NAALADL2: variants seen among roughly 807,000 people sequenced by gnomAD.
The protein encoded by NAALADL2 is N-acetylated alpha-linked acidic dipeptidase like 2.
NAALADL2 carries 76 observed loss-of-function variants against 87.2 expected under a neutral mutation model. That is an observed-to-expected ratio of 0.87 (90% confidence interval 0.72 to 1.05). NAALADL2 has a LOEUF of 1.05. NAALADL2 is among the 50% of genes least tolerant of loss of function. The pLI is 0.00. For synonymous variants in NAALADL2, 354 were observed against 331.0 expected, an observed-to-expected ratio of 1.07 and a Z score of -0.75; for missense variants, 1,089 against 945.8, an observed-to-expected ratio of 1.15 and a Z score of -1.99.
At chr3:175,252,470 A>G (rs1749230520) in intron 3 of NAALADL2, among the ~76,000 whole-genome samples, 1 of 152,072 alleles carries the variant, frequency 6.6e-6, no homozygotes, top group Non-Finnish European at 1.5e-5. Flanking sequence ...CCCACCAGCC[A>G]TTTGCCATCT....
intron 1 of NAALADL2, among the ~76,000 whole-genome samples, chr3:174,500,137 C>G (rs1718794405): frequency 6.6e-6 from 1 of 151,704 alleles, no homozygotes. Context: ...GTCTTCTACA[C>G]CTTTTGTCAA....
rs756476595 is a variant in NAALADL2, at chr3:175,234,005, T to C, written c.620T>C (p.Leu207Ser). The C allele has an allele frequency of 1.9e-6, 3 of 1,613,368 alleles. No individual in the cohort carries two copies. The South Asian group carries it at 3.3e-5, about 18-fold the overall frequency. Residue 207 changes from leucine to serine, a missense_variant, in exon 3 of 14, where the codon TTG (leucine) becomes TCG (serine). Transcript: ENST00000454872. Reference protein sequence around the residue: ...SKKIKTQWTSLGLEDVQFVNY... With the variant: ...SKKIKTQWTSSGLEDVQFVNY... ...AAGATTAAGACTCAGTGGACCTCTT[T>C]GGGCCTAGAAGATGTACAGTTTGTA...
At chr3:175,483,594 A>G (rs1726832253) in intron 9 of NAALADL2, among the ~76,000 whole-genome samples, 1 of 151,904 alleles carries the variant, frequency 6.6e-6, no homozygotes, top group Non-Finnish European at 1.5e-5. Context: ...TTTCATAGTC[A>G]TCTCAAGGGA....
chr3:175,603,849 C>A (rs974521230), intron 10 of NAALADL2, among the ~76,000 whole-genome samples: 1 of 152,022 alleles, frequency 6.6e-6, no homozygotes, highest in Non-Finnish European at 1.5e-5. Context: ...CAAAAATTAG[C>A]CAGGCTTTGT....
rs565408861 is a variant in NAALADL2 at position 174,555,182 on chromosome 3, T to A, written c.-115+4545T>A. 1.6e-4 allele frequency among the ~76,000 whole-genome samples: 24 copies of A among 152,256 alleles called. No individual in the cohort carries two copies. The South Asian group carries it at 1.9e-3, about 12-fold the overall frequency. ...GTATCTTTTCCTTACTCATTGCAAG[T>A]TTCATGGCTGATACCTCTATAAGGA... On this transcript the variant is annotated intron_variant, in intron 2 of 3. Transcript: ENST00000434257.
At chr3:175,366,254 A>G (rs1003552011) in intron 5 of NAALADL2, among the ~76,000 whole-genome samples, 6 of 150,198 alleles carry the variant, frequency 4.0e-5, no homozygotes, top group Non-Finnish European at 7.4e-5. Flanking sequence ...AATCCAGTCT[A>G]TCATTGTTGG....
chr3:174,782,432 A>G (rs1358349968), intron 3 of NAALADL2, among the ~76,000 whole-genome samples: 1 of 151,610 alleles, frequency 6.6e-6, no homozygotes, highest in Non-Finnish European at 1.5e-5. Context: ...TATTATTCCA[A>G]TATTTGCCTT....
rs73881564 is a variant in NAALADL2 at position 174,950,311 on chromosome 3, T to G, written c.43+90861T>G. ...CATCTCTGAAGAGTTCCCAAAAGTT[T>G]TATAATACCTGGTATATCTTGAGAA... is the stretch of plus-strand genomic sequence containing the variant. On this transcript the variant is annotated intron_variant, in intron 1 of 13. Transcript: ENST00000454872. Among the ~76,000 whole-genome samples the G allele has an allele frequency of 7.0e-3, 1,058 of 152,164 alleles. 24 individuals are homozygous for G. Among genetic ancestry groups the G allele is most frequent in the African/African-American group, 0.024 (1,008 of 41,522 alleles).
chr3:174,514,571 A>G (rs994158776), intron 1 of NAALADL2, among the ~76,000 whole-genome samples: 1 of 152,194 alleles, frequency 6.6e-6, no homozygotes, highest in Non-Finnish European at 1.5e-5. Context: ...AGTCTTTTCT[A>G]TAGGGAAATG....
At chr3:175,744,258 C>T (rs966983281) in intron 12 of NAALADL2, among the ~76,000 whole-genome samples, 3 of 152,218 alleles carry the variant, frequency 2.0e-5, no homozygotes, top group African/African-American at 7.2e-5. Flanking sequence ...CCAAGCCAGA[C>T]ACCTCTATAT....
At position 175,396,291 on chromosome 3, in the gene NAALADL2, G is replaced by A. The variant is rs186967559; in HGVS notation, c.1091-50938G>A. 3.2e-3 allele frequency among the ~76,000 whole-genome samples: 486 copies of A among 151,890 alleles called. 2 individuals carry two copies. The highest frequency in any genetic ancestry group is 4.7e-3 in the Non-Finnish European group (322 of 68,002). ...GTGTTAGAAAATACTCCCAAGAGTA[G>A]GAGGCCATCTTTCAGTACTGATTTT... On this transcript the variant is annotated intron_variant, in intron 5 of 13. Coordinates refer to ENST00000454872, the MANE Select transcript of NAALADL2 (RefSeq NM_207015.3).
chr3:175,648,396 T>A lies in NAALADL2; in HGVS notation c.1896+21010T>A, dbSNP rs911638382. Among the ~76,000 whole-genome samples the A allele has an allele frequency of 2.0e-5, 3 of 151,856 alleles. No homozygotes were observed. The East Asian group carries it at 5.8e-4, about 29-fold the overall frequency. On this transcript the variant is annotated intron_variant, in intron 11 of 13. Coordinates refer to ENST00000454872, the MANE Select transcript of NAALADL2 (RefSeq NM_207015.3). The stretch of plus-strand genomic sequence containing the variant: ...ACTATTTTTGAAAACTGGATATAAT[T>A]CATATTTAACATACACAAACTAAAT...
At chr3:175,121,577 T>C (rs974570302) in intron 2 of NAALADL2, among the ~76,000 whole-genome samples, 1 of 151,852 alleles carries the variant, frequency 6.6e-6, no homozygotes, top group Non-Finnish European at 1.5e-5. Flanking sequence ...TTGTTGCTCT[T>C]ACGGGAAAAG....
At chr3:174,752,537 A>G (rs1237720663) in intron 3 of NAALADL2, among the ~76,000 whole-genome samples, 2 of 151,686 alleles carry the variant, frequency 1.3e-5, no homozygotes, top group African/African-American at 4.8e-5. Context: ...ATCGTTTATA[A>G]TTTATTTTTG....
intron 1 of NAALADL2, among the ~76,000 whole-genome samples, chr3:174,441,882 T>C (rs1458882938): frequency 6.6e-6 from 1 of 152,146 alleles, no homozygotes; most frequent in African/African-American, 2.4e-5. Flanking sequence ...GCTTGCATCC[T>C]GAGGAGTGTA....
chr3:175,339,010 C>T (rs568016138), intron 5 of NAALADL2, among the ~76,000 whole-genome samples: 11 of 152,300 alleles, frequency 7.2e-5, no homozygotes, highest in Admixed American at 2.0e-4. Context: ...AGTTTGAAAG[C>T]GTCACTGAAA....
At chr3:175,710,194 T>C (rs1582974404) in intron 11 of NAALADL2, among the ~76,000 whole-genome samples, 1 of 151,918 alleles carries the variant, frequency 6.6e-6, no homozygotes, top group East Asian at 1.9e-4. Context: ...GAAGGTCTGT[T>C]TTTGAAATGA....
chr3:174,666,031 C>G (rs1725924294), intron 2 of NAALADL2, among the ~76,000 whole-genome samples: 1 of 152,140 alleles, frequency 6.6e-6, no homozygotes, highest in African/African-American at 2.4e-5. Context: ...CCTACAAAGA[C>G]TCTATTTCCA....
chr3:174,870,758 AATATTTACCATTTATGTCC>A (rs1364088239), intron 1 of NAALADL2, among the ~76,000 whole-genome samples: 1 of 152,120 alleles, frequency 6.6e-6, no homozygotes, highest in African/African-American at 2.4e-5. Context: ...GAGTACTTTA[AATATTTACCATTTATGTCC>A]ATATGCAAAA....
Sources: allele counts gnomAD v4.1 joint callset (sites outside exome capture counted in the v4.1 genomes callset), GRCh38; gene constraint gnomAD v4.1.1; transcripts MANE v1.5; gene names NCBI Gene and HGNC (gene_info 2026-07-23, HGNC 2026-07-21).